HTRA2: variants seen among roughly 807,000 people sequenced by gnomAD.
HTRA2 encodes serine protease HTRA2, mitochondrial.
In HTRA2, 24 loss-of-function variants were observed where a neutral mutation model predicts 42.2. The ratio of observed to expected loss-of-function variants is 0.57; its 90% CI spans 0.41 to 0.80. The LOEUF (loss-of-function observed/expected upper bound fraction) is 0.80. Among genes scored for constraint, HTRA2 ranks in the 30% least tolerant of loss-of-function variants. HTRA2 has a pLI of 0.00. For synonymous variants in HTRA2, 245 were observed against 255.8 expected, an observed-to-expected ratio of 0.96 and a Z score of 0.40; for missense variants, 466 against 613.5, an observed-to-expected ratio of 0.76 and a Z score of 2.54.
At chr2:74,529,870 T>C (rs2104364356), upstream of HTRA2, 1 of 1,423,294 alleles carries the variant, frequency 7.0e-7, no homozygotes, top group Non-Finnish European at 9.2e-7. Context: ...GGAGTCGGCC[T>C]CCCGGAATCC....
Position 74,530,389 on chromosome 2 carries a change from C to A in HTRA2, c.383C>A (p.Pro128His). ...TTGTTGTGGGGCGGGGGTCGGGGTCCTCCGGCCGTCCTCGCCGCCGTCCCT... is the reference window on the plus strand; with the variant it reads ...TTGTTGTGGGGCGGGGGTCGGGGTCATCCGGCCGTCCTCGCCGCCGTCCCT... The part of the protein sequence containing the change: ...LLLLWGGGRG[P>H]PAVLAAVPSP... The change falls in exon 1 of 8, where the codon CCT (proline) becomes CAT (histidine). Residue 128 changes from proline (P) to histidine (H), a missense_variant. This residue lies in a region of HTRA2 where 222 missense variants were observed against 205.1 expected (regional missense o/e 1.08). Coordinates refer to ENST00000258080, the MANE Select transcript of HTRA2 (RefSeq NM_013247.5). The surrounding 1 kb of genome is among the most constrained non-coding windows in gnomAD (Gnocchi z 7.4). 6.3e-7 allele frequency: 1 copy of A among 1,592,806 alleles called. No homozygotes were observed. Among genetic ancestry groups the A allele is most frequent in the Non-Finnish European group, 8.5e-7 (1 of 1,172,226 alleles).
chr2:74,530,119 T>C lies in HTRA2; in HGVS notation c.113T>C (p.Leu38Pro), dbSNP rs557990839. 51 of 1,610,844 alleles carry C rather than the reference T, an allele frequency of 3.2e-5. No individual in the cohort carries two copies. The South Asian group carries it at 5.3e-4, about 17-fold the overall frequency. ...CGTTTGACCCCTGACCTCCGGGCCC[T>C]GCTGACGTCAGGAACTTCTGACCCC... is the stretch of plus-strand genomic sequence containing the variant. Reference protein sequence around the residue: ...RPRLTPDLRALLTSGTSDPRA... With the variant: ...RPRLTPDLRAPLTSGTSDPRA... Residue 38 changes from leucine to proline, a missense_variant, in exon 1 of 8, where the codon CTG (leucine) becomes CCG (proline). Around this residue, in one of 3 missense-constraint regions of HTRA2, gnomAD observed 222 missense variants for 205.1 expected, o/e 1.08. Coordinates refer to ENST00000258080, the MANE Select transcript of HTRA2 (RefSeq NM_013247.5). This position sits in a 1 kb window ranked among gnomAD's most constrained non-coding sequence, Gnocchi z 7.4.
downstream of HTRA2, chr2:74,533,538 C>T: frequency 7.0e-7 from 1 of 1,437,630 alleles, no homozygotes; most frequent in African/African-American, 1.4e-5. Flanking sequence ...TGGTAAGCTC[C>T]TGAGGTAATG....
In HTRA2 at chr2:74,532,697, G is replaced by A; in HGVS notation, c.1194G>A (p.Leu398=). Residue 398 remains leucine, a synonymous_variant, in exon 7 of 8, where the codon CTG becomes CTA. Transcript: ENST00000258080. The part of the protein sequence containing the change: ...QHGVLIHKVI[L]GSPAHRAGLR... The stretch of plus-strand genomic sequence containing the variant: ...GTGTACTCATCCATAAAGTCATCCT[G>A]GGCTCCCCTGCACACCGGTGAGGGA... 6.2e-7 allele frequency: 1 copy of A among 1,613,832 alleles called. No individual in the cohort carries two copies. Among genetic ancestry groups the A allele is most frequent in the Non-Finnish European group, 8.5e-7 (1 of 1,179,952 alleles).
Position 74,532,685 on chromosome 2 carries a change from T to C in HTRA2, c.1182T>C (p.His394=). Residue 394 remains histidine (H), a synonymous_variant, in exon 7 of 8, where the codon CAT becomes CAC. Transcript: ENST00000258080. The stretch of plus-strand genomic sequence containing the variant: ...ATGTTCAGCATGGTGTACTCATCCA[T>C]AAAGTCATCCTGGGCTCCCCTGCAC... ...FPDVQHGVLI[H]KVILGSPAHR... is the part of the protein sequence containing the mutation. The C allele has an allele frequency of 5.0e-6, 8 of 1,613,914 alleles. No individual in the cohort carries two copies. The Middle Eastern group carries it at 1.2e-3, about 240-fold the overall frequency.
At chr2:74,529,636 T>A (rs1324437096), upstream of HTRA2, 4 of 1,561,712 alleles carry the variant, frequency 2.6e-6, no homozygotes, top group African/African-American at 5.4e-5. Flanking sequence ...CCATAACTGC[T>A]GCTTCAGGAG....
intron 4 of HTRA2, 45 bp from the exon 5 acceptor site, chr2:74,531,552 C>G (rs887632383): frequency 2.5e-6 from 4 of 1,613,692 alleles, no homozygotes; most frequent in South Asian, 1.1e-5. Flanking sequence ...CCCCCATCCC[C>G]TACTATTTGT....
downstream of HTRA2, chr2:74,533,389 C>G (rs1321807462): frequency 1.8e-6 from 1 of 569,672 alleles, no homozygotes; most frequent in African/African-American, 1.9e-5. Flanking sequence ...CTGCTCGGTG[C>G]TGGGCCTGGG....
At chr2:74,531,559 T>C in intron 4 of HTRA2, 38 bp from the exon 5 acceptor site, 2 of 1,613,884 alleles carry the variant, frequency 1.2e-6, no homozygotes, top group Non-Finnish European at 1.7e-6. Flanking sequence ...CCCCTACTAT[T>C]TGTTTAGGCT....
At position 74,530,693 on chromosome 2, in the gene HTRA2, A is replaced by G. The variant is rs766831028; in HGVS notation, c.583A>G (p.Thr195Ala). 1 of 1,614,056 alleles carries G rather than the reference A, an allele frequency of 6.2e-7. No homozygotes were observed. The highest frequency in any genetic ancestry group is 8.5e-7 in the Non-Finnish European group (1 of 1,180,012). ...FVVAADGLIV[T>A]NAHVVADRRR... Reference sequence around the variant, plus strand: ...GGTGGCTGCCGATGGGCTCATTGTCACCAACGCCCATGTGGTGGCTGATCG... The same window carrying G: ...GGTGGCTGCCGATGGGCTCATTGTCGCCAACGCCCATGTGGTGGCTGATCG... Residue 195 changes from threonine (T) to alanine (A), a missense_variant, in exon 2 of 8, where the codon ACC (threonine) becomes GCC (alanine). Thr to Ala is a moderately conservative substitution (Grantham distance 58, BLOSUM62 0). Transcript: ENST00000258080. This position sits in a 1 kb window ranked among gnomAD's most constrained non-coding sequence, Gnocchi z 7.4.
downstream of HTRA2, chr2:74,533,347 G>A: frequency 1.9e-6 from 1 of 537,738 alleles, no homozygotes; most frequent in Non-Finnish European, 3.3e-6. Flanking sequence ...GTCAGGTGCT[G>A]CTCTTTGTGG....
intron 6 of HTRA2, 165 bp from the exon 7 acceptor site, chr2:74,532,454 C>T (rs2104378997): frequency 4.4e-6 from 3 of 677,162 alleles, no homozygotes; most frequent in South Asian, 1.5e-5. Context: ...GTACATGTTG[C>T]ACTTTATTGC....
At chr2:74,529,862 A>G, upstream of HTRA2, 5 of 1,412,538 alleles carry the variant, frequency 3.5e-6, no homozygotes, top group South Asian at 3.0e-5. Context: ...GGCAGGGAGG[A>G]GTCGGCCTCC....
Position 74,530,245 on chromosome 2 carries a change from G to A in HTRA2, c.239G>A (p.Arg80Gln), listed in dbSNP as rs369767551. Residue 80 changes from arginine to glutamine, a missense_variant, in exon 1 of 8, where the codon CGG becomes CAG. By Grantham distance (43) the Arg-to-Gln change is conservative. Transcript: ENST00000258080. This position sits in a 1 kb window ranked among gnomAD's most constrained non-coding sequence, Gnocchi z 7.4. ...CTGACGTCTGGGACCCCGGGTCCCC[G>A]GGCACAACTGACTGCGGTGACCCCA... ...ACLTSGTPGP[R>Q]AQLTAVTPDT... is the part of the protein sequence containing the mutation. 12 of 1,609,538 alleles carry A rather than the reference G, an allele frequency of 7.5e-6. No homozygotes were observed. Among genetic ancestry groups the A allele is most frequent in the Middle Eastern group, 3.3e-4 (2 of 6,052 alleles).
In HTRA2 at chr2:74,531,580, G is replaced by A; in HGVS notation, c.940-17G>A. The stretch of plus-strand genomic sequence containing the variant: ...CTATTTGTTTAGGCTAGGGAACTGG[G>A]GGCTGTATCCCTGCAGGATGGGGAG... On this transcript the variant is annotated splice_polypyrimidine_tract_variant and intron_variant, in intron 4 of 7. Transcript: ENST00000258080. 1 of 1,614,172 alleles carries A rather than the reference G, an allele frequency of 6.2e-7. No homozygotes were observed. The highest frequency in any genetic ancestry group is 8.5e-7 in the Non-Finnish European group (1 of 1,180,026).
intron 4 of HTRA2, 64 bp downstream of exon 4, chr2:74,531,435 C>A: frequency 6.2e-7 from 1 of 1,607,568 alleles, no homozygotes; most frequent in Non-Finnish European, 8.5e-7. Flanking sequence ...GGGTAGGTTT[C>A]CCCTAATTCA....
At position 74,530,707 on chromosome 2, in the gene HTRA2, G is replaced by C. The variant is rs901403771; in HGVS notation, c.597G>C (p.Val199=). 5 of 1,614,098 alleles carry C rather than the reference G, an allele frequency of 3.1e-6. No individual in the cohort carries two copies. The African/African-American group carries it at 4.0e-5, about 13-fold the overall frequency. Residue 199 remains valine, a synonymous_variant, in exon 2 of 8, where the codon GTG becomes GTC. Coordinates refer to ENST00000258080, the MANE Select transcript of HTRA2 (RefSeq NM_013247.5). This position sits in a 1 kb window ranked among gnomAD's most constrained non-coding sequence, Gnocchi z 7.4. ...ADGLIVTNAH[V]VADRRRVRVR... ...GGCTCATTGTCACCAACGCCCATGT[G>C]GTGGCTGATCGGCGCAGAGTCCGTG...
rs79220020 is a variant in HTRA2, at chr2:74,533,079, C to T, written c.*94C>T. 6.9e-3 allele frequency: 8,422 copies of T among 1,228,668 alleles called. 444 individuals are homozygous for T. In the African/African-American group the frequency reaches 0.11, roughly 16 times the overall value. The allele number at this position is 1,228,668 out of a possible 1,614,324, so 76.1% of individuals were successfully genotyped here. On this transcript the variant is annotated 3_prime_UTR_variant, in exon 8 of 8. Coordinates refer to ENST00000258080, the MANE Select transcript of HTRA2 (RefSeq NM_013247.5). ...GCACCGAGACAGAGGGTTAAATGAA[C>T]CAGTGGGGGCAGGTCCCTCCAACCA...
intron 3 of HTRA2, 23 bp downstream of exon 3, chr2:74,531,128 T>C (rs970697735): frequency 8.1e-6 from 13 of 1,611,554 alleles, no homozygotes; most frequent in African/African-American, 1.3e-5. Flanking sequence ...AGGAGAGAAA[T>C]GACAAATGAT....
Sources: gnomAD v4.1 joint callset for allele counts on GRCh38, gnomAD v4.1.1 for gene constraint, gnomAD v4.1.1 regional missense constraint, Gnocchi (gnomAD v3.1) non-coding constraint, MANE v1.5 for transcripts, NCBI Gene and HGNC (gene_info 2026-07-23, HGNC 2026-07-21) for gene names.